HECW1: variants seen among roughly 807,000 people sequenced by gnomAD.
The protein encoded by HECW1 is HECT, C2 and WW domain containing E3 ubiquitin protein ligase 1, also known as E3 ubiquitin-protein ligase HECW1.
HECW1 carries 61 observed loss-of-function variants against 182.3 expected under a neutral mutation model. The ratio of observed to expected loss-of-function variants is 0.33; its 90% CI spans 0.27 to 0.41. HECW1 has a LOEUF of 0.41. Among genes scored for constraint, HECW1 ranks in the 10% least tolerant of loss-of-function variants. The pLI, the probability that HECW1 is intolerant of heterozygous loss-of-function variation, is 1.00. For missense variants in HECW1, 1,739 were observed against 2,108.9 expected (o/e 0.82, Z 3.44); for synonymous variants, 859 against 832.6 (o/e 1.03, Z -0.55).
intron 7 of HECW1, among the ~76,000 whole-genome samples, chr7:43,400,508 G>A (rs570813169): frequency 7.2e-5 from 11 of 152,144 alleles, no homozygotes; most frequent in East Asian, 1.9e-4. Flanking sequence ...TTAAAAAGTC[G>A]AAGACTATAA....
chr7:43,561,767 T>A, intron 29 of HECW1, 48 bp from the exon 30 acceptor site: 1 of 1,272,336 alleles, frequency 7.9e-7, no homozygotes. Flanking sequence ...CCAGAACCAG[T>A]TGTATCATTG....
At chr7:43,319,517 C>G (rs1337571603) in intron 4 of HECW1, among the ~76,000 whole-genome samples, 2 of 148,834 alleles carry the variant, frequency 1.3e-5, no homozygotes, top group Admixed American at 6.7e-5. Flanking sequence ...TCAGTGCTCT[C>G]CTGACCACCC....
intron 15 of HECW1, among the ~76,000 whole-genome samples, chr7:43,468,241 C>T (rs546663830): frequency 6.6e-6 from 1 of 152,278 alleles, no homozygotes; most frequent in African/African-American, 2.4e-5. Flanking sequence ...CATGTCCAGC[C>T]TTCAATCCCC....
intron 2 of HECW1, among the ~76,000 whole-genome samples, chr7:43,205,776 C>T (rs1189787910): frequency 6.6e-6 from 1 of 152,178 alleles, no homozygotes; most frequent in Non-Finnish European, 1.5e-5. Context: ...TGTCCTACCC[C>T]TACCCAAGAT....
At chr7:43,390,313 AG>A (rs1335097685) in intron 6 of HECW1, among the ~76,000 whole-genome samples, 8 of 152,068 alleles carry the variant, frequency 5.3e-5, no homozygotes, top group Admixed American at 2.0e-4. Flanking sequence ...CCAAAGCAAG[AG>A]GATCACTGGA....
chr7:43,407,814 C>T (rs1428866931), intron 8 of HECW1, 83 bp downstream of exon 8: 6 of 1,237,372 alleles, frequency 4.8e-6, no homozygotes, highest in Non-Finnish European at 6.9e-6. Context: ...TCCCTCCATT[C>T]ATGGAGCCCT....
chr7:43,213,362 A>G (rs977466770), intron 2 of HECW1, among the ~76,000 whole-genome samples: 5 of 151,760 alleles, frequency 3.3e-5, no homozygotes, highest in Admixed American at 2.0e-4. Flanking sequence ...TATACTACTG[A>G]TGATAACTCT....
At chr7:43,417,477 T>C (rs184551164) in intron 8 of HECW1, among the ~76,000 whole-genome samples, 73 of 152,334 alleles carry the variant, frequency 4.8e-4, no homozygotes, top group South Asian at 1.0e-3. Flanking sequence ...TTGAATGTCT[T>C]TATTTAATGT....
At chr7:43,442,762 C>T (rs1233309699) in intron 10 of HECW1, 133 bp downstream of exon 10, 1 of 654,362 alleles carries the variant, frequency 1.5e-6, no homozygotes, top group Non-Finnish European at 2.7e-6. Context: ...CATTTGAGGT[C>T]CAGAAGCCAG....
intron 3 of HECW1, among the ~76,000 whole-genome samples, chr7:43,281,721 T>A (rs1803940633): frequency 6.9e-6 from 1 of 145,752 alleles, no homozygotes; most frequent in Non-Finnish European, 1.5e-5. Context: ...TTCTTTTTTT[T>A]TTTTTTTTTT....
intron 24 of HECW1, among the ~76,000 whole-genome samples, chr7:43,540,774 G>A (rs1413664598): frequency 6.6e-6 from 1 of 152,140 alleles, no homozygotes; most frequent in Non-Finnish European, 1.5e-5. Flanking sequence ...GGGTAAGGAC[G>A]CACATCCAGA....
intron 26 of HECW1, among the ~76,000 whole-genome samples, chr7:43,542,377 C>T (rs2081395469): frequency 6.6e-6 from 1 of 151,652 alleles, no homozygotes; most frequent in Non-Finnish European, 1.5e-5. Flanking sequence ...AATTTACTTC[C>T]CTTTTAAGAC....
rs1032194580 is a variant in HECW1 at position 43,444,379 on chromosome 7, G to T, written c.1207G>T (p.Asp403Tyr). ...PEQLGEGSVP[D>Y]GPGNQSIELS... ...GCAGCTGGGTGAGGGCAGTGTCCCC[G>T]ATGGTCCAGGGAACCAAAGCATAGA... Residue 403 changes from aspartate to tyrosine, a missense_variant, in exon 11 of 30, where the codon GAT becomes TAT. Asp to Tyr is a radical substitution (Grantham distance 160). Around this residue, in one of 5 missense-constraint regions of HECW1, gnomAD observed 971 missense variants for 1,029.1 expected, o/e 0.94. Transcript: ENST00000395891. The surrounding 1 kb of genome is among the most constrained non-coding windows in gnomAD (Gnocchi z 4.3). The T allele has an allele frequency of 6.2e-7, 1 of 1,613,982 alleles. No homozygotes were observed. The highest frequency in any genetic ancestry group is 8.5e-7 in the Non-Finnish European group (1 of 1,180,006).
intron 6 of HECW1, among the ~76,000 whole-genome samples, chr7:43,395,646 G>A (rs2075202244): frequency 6.6e-6 from 1 of 152,228 alleles, no homozygotes; most frequent in African/African-American, 2.4e-5. Flanking sequence ...GGATCCCTGA[G>A]ATGCACATCA....
chr7:43,238,365 T>A (rs1358716764), intron 2 of HECW1, among the ~76,000 whole-genome samples: 4 of 150,510 alleles, frequency 2.7e-5, no homozygotes, highest in Non-Finnish European at 5.9e-5. Context: ...TGACTTCTCA[T>A]GTGACTTTTC....
chr7:43,118,743 A>T (rs1184846141), intron 2 of HECW1, among the ~76,000 whole-genome samples: 1 of 152,066 alleles, frequency 6.6e-6, no homozygotes, highest in Non-Finnish European at 1.5e-5. Context: ...CGTTTTGAGG[A>T]TTGTTGCCAG....
Position 43,224,068 on chromosome 7 carries a change from G to A in HECW1, c.-31-19807G>A, listed in dbSNP as rs578026653. ...CTACAGGACTCCATTAGTTTTATTC[G>A]TTGCCTGTCTTCTCACTCTAGAATG... is the stretch of plus-strand genomic sequence containing the variant. On this transcript the variant is annotated intron_variant, in intron 2 of 29. Coordinates refer to ENST00000395891, the MANE Select transcript of HECW1 (RefSeq NM_015052.5). 7.2e-5 allele frequency among the ~76,000 whole-genome samples: 11 copies of A among 152,210 alleles called. No homozygotes were observed. In the South Asian group the frequency reaches 1.9e-3, roughly 26 times the overall value.
chr7:43,199,138 C>T (rs544995530), intron 2 of HECW1, among the ~76,000 whole-genome samples: 41 of 152,354 alleles, frequency 2.7e-4, no homozygotes, highest in African/African-American at 9.6e-4. Context: ...GCTGAGAGCT[C>T]CCGCTCAGGG....
intron 2 of HECW1, among the ~76,000 whole-genome samples, chr7:43,179,737 A>T (rs180744856): frequency 1.8e-4 from 27 of 152,318 alleles, no homozygotes; most frequent in East Asian, 1.7e-3. Context: ...CTTAATTTAT[A>T]CCTATGGAAA....
Sources: gnomAD v4.1 joint callset for allele counts (sites outside exome capture counted in the v4.1 genomes callset) on GRCh38, gnomAD v4.1.1 for gene constraint, gnomAD v4.1.1 regional missense constraint, Gnocchi (gnomAD v3.1) non-coding constraint, MANE v1.5 for transcripts, NCBI Gene and HGNC (gene_info 2026-07-23, HGNC 2026-07-21) for gene names.